The following PRKG1 variants were observed in gnomAD, a reference collection of about 807,000 sequenced individuals.
PRKG1 encodes the protein cGMP-dependent protein kinase 1.
Under a neutral mutation model 88.1 loss-of-function variants are expected in PRKG1, and 35 were observed. The ratio of observed to expected loss-of-function variants is 0.40; its 90% CI spans 0.30 to 0.53. The LOEUF is 0.53. PRKG1 is among the 20% of genes least tolerant of loss of function. The pLI is 0.59. For synonymous variants in PRKG1, 303 were observed against 292.5 expected, an observed-to-expected ratio of 1.04 and a Z score of -0.37; for missense variants, 540 against 839.8, an observed-to-expected ratio of 0.64 and a Z score of 4.41.
At chr10:51,332,364 C>T (rs991094983) in intron 2 of PRKG1, among the ~76,000 whole-genome samples, 8 of 151,918 alleles carry the variant, frequency 5.3e-5, no homozygotes, top group Admixed American at 2.6e-4. Context: ...AACTTGGTAC[C>T]GGACCTCAAT....
Position 51,011,569 on chromosome 10 carries a change from A to T in PRKG1, c.266+19925A>T, listed in dbSNP as rs758268630. Among the ~76,000 whole-genome samples the T allele has an allele frequency of 1.5e-4, 23 of 152,216 alleles. 1 individual carries two copies. The highest frequency in any genetic ancestry group is 3.2e-3 in the Middle Eastern group (1 of 316). On this transcript the variant is annotated intron_variant, in intron 1 of 17. Transcript: ENST00000401604. ...AGTAATTTATGAATCAACCAGGAGA[A>T]ATGGCTGCCAAAAATTATTTAATGA...
rs1009265769 is a variant in PRKG1 at position 52,296,189 on chromosome 10, G to A, written c.*2289G>A. The A allele has an allele frequency of 7.2e-5, 11 of 152,000 alleles. No individual in the cohort carries two copies. The highest frequency in any genetic ancestry group is 5.8e-4 in the East Asian group (3 of 5,192). 9.4% of individuals were successfully genotyped at this position (152,000 alleles called of 1,614,324 possible). A position where few individuals can be genotyped will look rare whatever the true frequency, so the allele number is the denominator to read the frequency against. On this transcript the variant is annotated 3_prime_UTR_variant, in exon 18 of 18. Transcript: ENST00000373980. ...TGGAAAGAGAATCTGCTCCTATAACGTTTTAAAAATCCCCAAAGTCCCAGA... is the reference window on the plus strand; with the variant it reads ...TGGAAAGAGAATCTGCTCCTATAACATTTTAAAAATCCCCAAAGTCCCAGA...
intron 5 of PRKG1, among the ~76,000 whole-genome samples, chr10:52,053,685 TGTG>T (rs1220426258): frequency 6.6e-6 from 1 of 152,196 alleles, no homozygotes; most frequent in East Asian, 1.9e-4. Context: ...CAGACCTAGT[TGTG>T]GTGTCCGTGT....
intron 2 of PRKG1, among the ~76,000 whole-genome samples, chr10:51,209,977 T>C (rs1270638536): frequency 6.6e-6 from 1 of 152,158 alleles, no homozygotes; most frequent in Non-Finnish European, 1.5e-5. Context: ...CTTTCTGGCA[T>C]AGTGTTTGAA....
chr10:51,376,431 C>A (rs909023597), intron 2 of PRKG1, among the ~76,000 whole-genome samples: 1 of 152,038 alleles, frequency 6.6e-6, no homozygotes, highest in African/African-American at 2.4e-5. Context: ...ATTGGTATAT[C>A]AAAAATACTT....
At chr10:52,089,324 A>AT (rs1846993332) in intron 7 of PRKG1, among the ~76,000 whole-genome samples, 1 of 152,116 alleles carries the variant, frequency 6.6e-6, no homozygotes, top group Non-Finnish European at 1.5e-5. Context: ...GCATTTTATA[A>AT]TTTTTTGTTA....
intron 3 of PRKG1, among the ~76,000 whole-genome samples, chr10:51,765,045 T>TA (rs1412814638): frequency 1.3e-5 from 2 of 152,166 alleles, no homozygotes; most frequent in Admixed American, 6.5e-5. Context: ...CTGCCCAACT[T>TA]AGAGTATTTG....
chr10:51,071,369 G>C (rs1843824249), upstream of PRKG1, among the ~76,000 whole-genome samples: 1 of 152,112 alleles, frequency 6.6e-6, no homozygotes, highest in South Asian at 2.1e-4. Flanking sequence ...CCTGGATTTT[G>C]CATATGAAAT....
At chr10:51,393,003 A>G (rs1442223476) in intron 2 of PRKG1, among the ~76,000 whole-genome samples, 2 of 145,660 alleles carry the variant, frequency 1.4e-5, no homozygotes, top group African/African-American at 5.2e-5. Flanking sequence ...CCGGGCAGAG[A>G]CACTCCTCAC....
intron 3 of PRKG1, among the ~76,000 whole-genome samples, chr10:51,650,880 T>G (rs1202860795): frequency 6.6e-6 from 1 of 152,170 alleles, no homozygotes; most frequent in Non-Finnish European, 1.5e-5. Context: ...TTGCCTACTG[T>G]GTAATCACTG....
intron 4 of PRKG1, among the ~76,000 whole-genome samples, chr10:51,812,622 T>G (rs1839485975): frequency 6.6e-6 from 1 of 152,198 alleles, no homozygotes; most frequent in Admixed American, 6.5e-5. Flanking sequence ...GAAAGTGCTT[T>G]GGAGCTTTTT....
At chr10:51,868,912 T>C (rs7901276) in intron 4 of PRKG1, among the ~76,000 whole-genome samples, 3,546 of 152,310 alleles carry the variant, frequency 0.023, 137 homozygotes, top group African/African-American at 0.081. Flanking sequence ...TTTTGTTGAA[T>C]AAGTGAAGCT....
chr10:51,496,942 C>T (rs996110513), intron 3 of PRKG1, among the ~76,000 whole-genome samples: 2 of 152,126 alleles, frequency 1.3e-5, no homozygotes, highest in African/African-American at 4.8e-5. Context: ...TTAATATTTC[C>T]TTCATTCTAA....
At chr10:51,209,124 T>C (rs1838144872) in intron 2 of PRKG1, among the ~76,000 whole-genome samples, 4 of 152,154 alleles carry the variant, frequency 2.6e-5, no homozygotes, top group Admixed American at 2.0e-4. Context: ...TCTGTGTTTA[T>C]GTGGAAGAGA....
At chr10:52,108,087 CA>C (rs1412566158) in intron 7 of PRKG1, among the ~76,000 whole-genome samples, 1 of 152,120 alleles carries the variant, frequency 6.6e-6, no homozygotes, top group East Asian at 1.9e-4. Context: ...CCTAATTTCA[CA>C]AAGAAATATG....
At chr10:52,085,093 G>A (rs888181288) in intron 7 of PRKG1, among the ~76,000 whole-genome samples, 3 of 152,096 alleles carry the variant, frequency 2.0e-5, no homozygotes, top group African/African-American at 4.8e-5. Context: ...CCACACGACT[G>A]TCTCTCACTG....
intron 6 of PRKG1, among the ~76,000 whole-genome samples, chr10:52,054,918 C>T (rs369331347): frequency 2.6e-5 from 4 of 152,134 alleles, no homozygotes; most frequent in South Asian, 4.1e-4. Flanking sequence ...GTGGATCACT[C>T]GAGCTCAGGA....
intron 9 of PRKG1, among the ~76,000 whole-genome samples, chr10:52,163,164 T>G (rs1838324849): frequency 6.6e-6 from 1 of 151,944 alleles, no homozygotes. Flanking sequence ...TATAGGAATT[T>G]TTTTGGTATG....
intron 4 of PRKG1, among the ~76,000 whole-genome samples, chr10:51,880,476 C>T (rs1173921361): frequency 1.3e-5 from 2 of 152,028 alleles, no homozygotes; most frequent in Non-Finnish European, 2.9e-5. Context: ...TTGCCAGGTC[C>T]CCATTTTTCC....
Sources: allele counts gnomAD v4.1 joint callset (sites outside exome capture counted in the v4.1 genomes callset), GRCh38; gene constraint gnomAD v4.1.1; transcripts MANE v1.5; gene names NCBI Gene and HGNC (gene_info 2026-07-23, HGNC 2026-07-21).